Variants in ITSN2 observed in about 807,000 individuals in gnomAD.
The protein encoded by ITSN2 is intersectin-2.
In ITSN2, 156 loss-of-function variants were observed where a neutral mutation model predicts 243.7. The observed-to-expected ratio is 0.64, with a 90% CI of 0.56 to 0.73. ITSN2 has a LOEUF of 0.73. Ranked by LOEUF, ITSN2 falls within the 30% of genes least tolerant of loss-of-function variation. The pLI is 0.00. For synonymous variants in ITSN2, 703 were observed against 699.9 expected, an observed-to-expected ratio of 1.00 and a Z score of -0.07; for missense variants, 1,801 against 1,996.1, an observed-to-expected ratio of 0.90 and a Z score of 1.86.
At chr2:24,301,067 T>A in intron 11 of ITSN2, 87 bp downstream of exon 11, 5 of 712,584 alleles carry the variant, frequency 7.0e-6, no homozygotes, top group Non-Finnish European at 1.1e-5. Context: ...ATATTAAAAA[T>A]ATAAAAATTC....
At chr2:24,339,306 AC>A (rs1686786090) in intron 1 of ITSN2, among the ~76,000 whole-genome samples, 1 of 30,826 alleles carries the variant, frequency 3.2e-5, no homozygotes, top group Non-Finnish European at 8.7e-5. Flanking sequence ...CTCCATCTCT[AC>A]AAAAAACACA....
chr2:24,209,238 C>T lies in ITSN2; in HGVS notation c.4474-17G>A. 6.2e-7 allele frequency: 1 copy of T among 1,613,558 alleles called. No individual in the cohort carries two copies. Among genetic ancestry groups the T allele is most frequent in the Non-Finnish European group, 8.5e-7 (1 of 1,179,746 alleles). ...GAAAATGGGCTGAAAGAATTAGGGC[C>T]AAAACACAGGCTGTGAGATGGGCTA... On this transcript the variant is annotated splice_polypyrimidine_tract_variant and intron_variant, in intron 35 of 39. Coordinates refer to ENST00000355123, the MANE Select transcript of ITSN2 (RefSeq NM_006277.3).
intron 37 of ITSN2, 35 bp from the exon 38 acceptor site, chr2:24,205,332 T>G: frequency 6.4e-7 from 1 of 1,558,782 alleles, no homozygotes; most frequent in Non-Finnish European, 8.8e-7. Context: ...ATTAATCTCT[T>G]CTCCAAGGAT....
intron 17 of ITSN2, among the ~76,000 whole-genome samples, chr2:24,280,570 T>C (rs1379746686): frequency 6.6e-6 from 1 of 152,230 alleles, no homozygotes; most frequent in Non-Finnish European, 1.5e-5. Context: ...GATACTACTT[T>C]TCTGCTAGTC....
intron 2 of ITSN2, among the ~76,000 whole-genome samples, chr2:24,316,151 T>C (rs1357428535): frequency 2.0e-5 from 3 of 152,116 alleles, no homozygotes; most frequent in Non-Finnish European, 4.4e-5. Flanking sequence ...GACTAATAAC[T>C]AGAGTTAGTA....
chr2:24,316,304 C>A (rs1395557264), intron 2 of ITSN2, among the ~76,000 whole-genome samples: 1 of 152,024 alleles, frequency 6.6e-6, no homozygotes, highest in Admixed American at 6.6e-5. Context: ...TATTTTGAGA[C>A]AAAGTCTTGC....
intron 1 of ITSN2, among the ~76,000 whole-genome samples, chr2:24,350,276 C>A (rs1687909933): frequency 6.6e-6 from 1 of 152,088 alleles, no homozygotes; most frequent in Non-Finnish European, 1.5e-5. Context: ...TAATCTAAGC[C>A]AATAATTTTC....
At chr2:24,306,621 G>A (rs191819992) in intron 8 of ITSN2, among the ~76,000 whole-genome samples, 81 of 152,222 alleles carry the variant, frequency 5.3e-4, no homozygotes, top group African/African-American at 1.9e-3. Context: ...TTTAGGTTGT[G>A]AACATTTTTG....
At chr2:24,354,396 C>G (rs1341349558) in intron 1 of ITSN2, among the ~76,000 whole-genome samples, 1 of 152,168 alleles carries the variant, frequency 6.6e-6, no homozygotes, top group Non-Finnish European at 1.5e-5. Context: ...AAATTAAGGG[C>G]AAAAGGCTAA....
intron 22 of ITSN2, 140 bp from the exon 23 acceptor site, chr2:24,258,233 CTG>C: frequency 1.6e-6 from 1 of 632,180 alleles, no homozygotes; most frequent in Non-Finnish European, 2.8e-6. Flanking sequence ...AGTCTACTAA[CTG>C]ACTTTAAATT....
chr2:24,337,658 T>G, intron 1 of ITSN2, among the ~76,000 whole-genome samples: 1 of 146,920 alleles, frequency 6.8e-6, no homozygotes, highest in African/African-American at 2.5e-5. Context: ...CTTTTTTTTT[T>G]TTTTTTTTTT....
intron 30 of ITSN2, chr2:24,220,620 C>A: frequency 8.4e-7 from 1 of 1,197,284 alleles, no homozygotes; most frequent in Non-Finnish European, 1.0e-6. Context: ...AGGCCCTTCC[C>A]ATCCACTCTA....
At chr2:24,339,181 G>C (rs1686768327) in intron 1 of ITSN2, among the ~76,000 whole-genome samples, 1 of 152,154 alleles carries the variant, frequency 6.6e-6, no homozygotes, top group Admixed American at 6.5e-5. Context: ...TTTCAAAGAA[G>C]TCACTTCATC....
chr2:24,220,817 G>A, intron 30 of ITSN2, 128 bp downstream of exon 30: 1 of 1,446,552 alleles, frequency 6.9e-7, no homozygotes. Context: ...GTCACTATTT[G>A]TGAATTCACA....
At chr2:24,267,186 T>C (rs536773419) in intron 20 of ITSN2, among the ~76,000 whole-genome samples, 11 of 151,638 alleles carry the variant, frequency 7.3e-5, no homozygotes, top group Non-Finnish European at 1.6e-4. Flanking sequence ...AGTTGAACAA[T>C]GAGAACACAT....
At position 24,204,335 on chromosome 2, in the gene ITSN2, A is replaced by T. The variant is rs889318911; in HGVS notation, c.4846T>A (p.Trp1616Arg). 4 of 1,614,090 alleles carry T rather than the reference A, an allele frequency of 2.5e-6. No homozygotes were observed. The highest frequency in any genetic ancestry group is 3.4e-6 in the Non-Finnish European group (4 of 1,179,986). Residue 1616 changes from tryptophan (W) to arginine (R), a missense_variant, in exon 39 of 40, where the codon TGG (tryptophan) becomes AGG (arginine). Physicochemically the swap from Trp to Arg is moderately radical, Grantham distance 101. Around this residue, in one of 5 missense-constraint regions of ITSN2, gnomAD observed 928 missense variants for 1,065.4 expected, o/e 0.87. Transcript: ENST00000355123. This position sits in a 1 kb window ranked among gnomAD's most constrained non-coding sequence, Gnocchi z 5.1. ...RTIQDTLNPK[W>R]NFNCQFFIKD... is the part of the protein sequence containing the mutation. ...ATAAAGAACTGGCAGTTAAAATTCC[A>T]CTTGGGATTGAGTGTGTCCTGGATG...
At position 24,296,959 on chromosome 2, in the gene ITSN2, T is replaced by A. The variant is rs560832345; in HGVS notation, c.1495-1155A>T. ...GACTCTGCACATTCACCTGTGTTAC[T>A]GTGCTTCATGTGTTGCACCAGTTCT... On this transcript the variant is annotated intron_variant, in intron 13 of 39. Transcript: ENST00000355123. Among the ~76,000 whole-genome samples, 7 of 152,338 alleles carry A rather than the reference T, an allele frequency of 4.6e-5. No individual in the cohort carries two copies. In the East Asian group the frequency reaches 1.3e-3, roughly 29 times the overall value.
At chr2:24,207,654 C>T (rs1669041926) in intron 37 of ITSN2, among the ~76,000 whole-genome samples, 2 of 151,952 alleles carry the variant, frequency 1.3e-5, no homozygotes, top group South Asian at 4.1e-4. Flanking sequence ...TGACTGCCAT[C>T]AGTGCAGGGA....
At chr2:24,207,831 G>A (rs961918049) in intron 37 of ITSN2, among the ~76,000 whole-genome samples, 13 of 151,940 alleles carry the variant, frequency 8.6e-5, no homozygotes, top group Admixed American at 7.2e-4. Context: ...CAAAGGGAGA[G>A]GGTGGATGGC....
Sources: allele counts gnomAD v4.1 joint callset (sites outside exome capture counted in the v4.1 genomes callset), GRCh38; gene constraint gnomAD v4.1.1; regional missense constraint gnomAD v4.1.1; non-coding constraint Gnocchi (gnomAD v3.1); transcripts MANE v1.5; gene names NCBI Gene and HGNC (gene_info 2026-07-23, HGNC 2026-07-21).